The following STXBP5L variants were observed in gnomAD, a reference collection of about 807,000 sequenced individuals.
The protein encoded by STXBP5L is syntaxin-binding protein 5-like.
STXBP5L carries 65 observed loss-of-function variants against 144.5 expected under a neutral mutation model. The ratio of observed to expected loss-of-function variants is 0.45; its 90% confidence interval spans 0.37 to 0.55. The LOEUF is 0.55. Among genes scored for constraint, STXBP5L ranks in the 20% least tolerant of loss-of-function variants. STXBP5L has a pLI of 0.00. For missense variants in STXBP5L, 1,298 were observed against 1,405.5 expected, an observed-to-expected ratio of 0.92 and a Z score of 1.22; for synonymous variants, 505 against 469.6, an observed-to-expected ratio of 1.08 and a Z score of -0.97.
intron 22 of STXBP5L, among the ~76,000 whole-genome samples, chr3:121,406,964 T>G (rs528847935): frequency 5.9e-5 from 9 of 152,132 alleles, no homozygotes; most frequent in African/African-American, 2.2e-4. Context: ...ACTTGCTGTG[T>G]GACCTGGCCC....
chr3:121,083,330 C>T (rs190829320), intron 5 of STXBP5L, among the ~76,000 whole-genome samples: 7 of 152,162 alleles, frequency 4.6e-5, no homozygotes, highest in African/African-American at 1.4e-4. Flanking sequence ...TAAATTTGAA[C>T]GTTTTCCCTC....
chr3:121,175,534 T>C (rs2046899748), intron 9 of STXBP5L, among the ~76,000 whole-genome samples: 1 of 152,244 alleles, frequency 6.6e-6, no homozygotes, highest in African/African-American at 2.4e-5. Flanking sequence ...AGTTTTAAAA[T>C]GTAAATTTTA....
chr3:121,011,094 G>A (rs1019974071), intron 3 of STXBP5L, among the ~76,000 whole-genome samples: 1 of 149,292 alleles, frequency 6.7e-6, no homozygotes, highest in African/African-American at 2.5e-5. Context: ...TGGAGTTTCA[G>A]GACTGCTTTC....
intron 3 of STXBP5L, among the ~76,000 whole-genome samples, chr3:120,977,220 T>A (rs1034651424): frequency 1.3e-5 from 2 of 152,242 alleles, no homozygotes; most frequent in Non-Finnish European, 2.9e-5. Flanking sequence ...TTCATGAATC[T>A]GGGTGCTCCT....
chr3:120,944,733 A>T (rs896719345), intron 2 of STXBP5L, among the ~76,000 whole-genome samples: 1 of 151,760 alleles, frequency 6.6e-6, no homozygotes, highest in African/African-American at 2.4e-5. Context: ...TTGAATCACA[A>T]TGTGATGGAG....
intron 3 of STXBP5L, among the ~76,000 whole-genome samples, chr3:121,022,201 C>T (rs566060221): frequency 2.0e-4 from 30 of 152,106 alleles, no homozygotes; most frequent in Middle Eastern, 3.4e-3. Context: ...ATACACAAAC[C>T]TCTTAGATTA....
intron 5 of STXBP5L, among the ~76,000 whole-genome samples, chr3:121,059,444 G>C (rs752256645): frequency 6.6e-6 from 1 of 151,950 alleles, no homozygotes; most frequent in Non-Finnish European, 1.5e-5. Context: ...TAGGATTGTC[G>C]TGGCTATGTG....
At chr3:121,392,919 A>G (rs1241005777) in intron 22 of STXBP5L, among the ~76,000 whole-genome samples, 1 of 151,054 alleles carries the variant, frequency 6.6e-6, no homozygotes, top group Non-Finnish European at 1.5e-5. Context: ...TTTTGATATG[A>G]TTATTTCTTT....
intron 3 of STXBP5L, among the ~76,000 whole-genome samples, chr3:121,032,379 A>G (rs1403816719): frequency 6.6e-6 from 1 of 152,150 alleles, no homozygotes; most frequent in Non-Finnish European, 1.5e-5. Context: ...AAGACTGAAA[A>G]GTGATCATTG....
intron 3 of STXBP5L, among the ~76,000 whole-genome samples, chr3:121,004,784 C>T (rs550220799): frequency 5.3e-5 from 8 of 152,184 alleles, no homozygotes; most frequent in African/African-American, 7.2e-5. Context: ...TTGTCAAAGG[C>T]CTTTTATGCA....
chr3:121,122,018 A>G (rs2044489451), intron 7 of STXBP5L, among the ~76,000 whole-genome samples: 1 of 150,924 alleles, frequency 6.6e-6, no homozygotes, highest in South Asian at 2.1e-4. Context: ...TATGATTATA[A>G]TTTGCCTTTG....
chr3:121,348,993 C>G (rs2045141753), intron 20 of STXBP5L, among the ~76,000 whole-genome samples: 1 of 152,020 alleles, frequency 6.6e-6, no homozygotes, highest in Non-Finnish European at 1.5e-5. Flanking sequence ...TTCTTCCATT[C>G]TGTTAGCTTT....
At chr3:121,032,130 C>T (rs761817221) in intron 3 of STXBP5L, among the ~76,000 whole-genome samples, 24 of 151,566 alleles carry the variant, frequency 1.6e-4, no homozygotes, top group Non-Finnish European at 2.7e-4. Context: ...TAATTGAAGG[C>T]TGAGATGGCC....
chr3:120,926,356 C>CTTTTTTTTTTTTTTTTTTTTTTTTT (rs35029446), intron 2 of STXBP5L, among the ~76,000 whole-genome samples: 1 of 139,740 alleles, frequency 7.2e-6, no homozygotes, highest in Non-Finnish European at 1.5e-5. Context: ...GATGGCAGTT[C>CTTTTTTTTTTTTTTTTTTTTTTTTT]TTTTTTTTTT....
At chr3:121,103,356 C>G (rs1227850659) in intron 5 of STXBP5L, among the ~76,000 whole-genome samples, 1 of 151,992 alleles carries the variant, frequency 6.6e-6, no homozygotes, top group Non-Finnish European at 1.5e-5. Context: ...TATTATGCAG[C>G]CATAAAGAAA....
Position 121,245,134 on chromosome 3 carries a change from G to A in STXBP5L, c.1400+4627G>A, listed in dbSNP as rs143645703. ...TTACTATAATACTATGATAATAGATGCAAAATATAAAAATATGTAATTTGT... is the reference window on the plus strand; with the variant it reads ...TTACTATAATACTATGATAATAGATACAAAATATAAAAATATGTAATTTGT... On this transcript the variant is annotated intron_variant, in intron 14 of 26. Transcript: ENST00000471454. Among the ~76,000 whole-genome samples, 763 of 152,132 alleles carry A rather than the reference G, an allele frequency of 5.0e-3. 8 individuals are homozygous for A. Among genetic ancestry groups the A allele is most frequent in the African/African-American group, 0.017 (718 of 41,536 alleles).
intron 20 of STXBP5L, among the ~76,000 whole-genome samples, chr3:121,349,315 C>T (rs1010288306): frequency 6.6e-6 from 1 of 152,078 alleles, no homozygotes; most frequent in African/African-American, 2.4e-5. Context: ...GCACTGTGGT[C>T]TGAGAGACAG....
chr3:121,082,178 T>C (rs1404529064), intron 5 of STXBP5L, among the ~76,000 whole-genome samples: 5 of 152,228 alleles, frequency 3.3e-5, no homozygotes, highest in Non-Finnish European at 7.3e-5. Flanking sequence ...TGATAGGAAT[T>C]ACATTAAATC....
intron 26 of STXBP5L, 69 bp downstream of exon 26, chr3:121,418,626 G>A: frequency 2.7e-6 from 4 of 1,455,696 alleles, no homozygotes; most frequent in Non-Finnish European, 2.8e-6. Context: ...ATCTGCACAA[G>A]AAAGCTTAAA....
Sources: gnomAD v4.1 joint callset for allele counts (sites outside exome capture counted in the v4.1 genomes callset) on GRCh38, gnomAD v4.1.1 for gene constraint, MANE v1.5 for transcripts, NCBI Gene and HGNC (gene_info 2026-07-23, HGNC 2026-07-21) for gene names.